The following SUGCT variants were observed in gnomAD, a reference collection of about 807,000 sequenced individuals.
SUGCT encodes the protein succinyl-CoA:glutarate-CoA transferase.
In SUGCT, 41 loss-of-function variants were observed where a neutral mutation model predicts 55.0. That is an observed-to-expected ratio of 0.74 (90% CI 0.58 to 0.97). SUGCT has a LOEUF of 0.97. Among genes scored for constraint, SUGCT ranks in the 50% least tolerant of loss-of-function variants. SUGCT has a pLI of 0.00. For synonymous variants in SUGCT, 187 were observed against 200.4 expected, an observed-to-expected ratio of 0.93 and a Z score of 0.56; for missense variants, 568 against 547.8, an observed-to-expected ratio of 1.04 and a Z score of -0.37.
At chr7:40,215,307 T>A (rs2150805757) in intron 6 of SUGCT, among the ~76,000 whole-genome samples, 1 of 152,194 alleles carries the variant, frequency 6.6e-6, no homozygotes. Context: ...CATGCTCAGA[T>A]AATTTTTGTA....
At chr7:40,357,062 G>A (rs1797916585) in intron 9 of SUGCT, among the ~76,000 whole-genome samples, 1 of 152,096 alleles carries the variant, frequency 6.6e-6, no homozygotes, top group Non-Finnish European at 1.5e-5. Context: ...CTCATCACTG[G>A]TAAATGGTTT....
chr7:40,393,200 A>T (rs1785536709), intron 9 of SUGCT, among the ~76,000 whole-genome samples: 1 of 152,184 alleles, frequency 6.6e-6, no homozygotes, highest in African/African-American at 2.4e-5. Flanking sequence ...ATCTAGGTTC[A>T]TTGAAGAATG....
the SUGCT span, among the ~76,000 whole-genome samples, chr7:40,969,463 G>T: frequency 1.3e-5 from 2 of 152,036 alleles, no homozygotes; most frequent in African/African-American, 4.8e-5. Context: ...CAGACTCAAG[G>T]GATCCTCTTG....
At chr7:40,791,358 T>G (rs940581258) in intron 13 of SUGCT, among the ~76,000 whole-genome samples, 55 of 152,290 alleles carry the variant, frequency 3.6e-4, no homozygotes, top group African/African-American at 1.3e-3. Context: ...AGCAACAAAA[T>G]AATTTAAAAT....
intron 12 of SUGCT, among the ~76,000 whole-genome samples, chr7:40,643,538 C>T (rs1406966579): frequency 6.6e-6 from 1 of 152,178 alleles, no homozygotes; most frequent in Non-Finnish European, 1.5e-5. Flanking sequence ...TCAACAAGAA[C>T]ACCTCTGTCT....
chr7:41,032,424 G>A, the SUGCT span, among the ~76,000 whole-genome samples: 1 of 151,826 alleles, frequency 6.6e-6, no homozygotes, highest in African/African-American at 2.4e-5. Flanking sequence ...TTCAGAGAAA[G>A]TTTCATTTTC....
chr7:40,615,185 T>G (rs1798942308), intron 12 of SUGCT, among the ~76,000 whole-genome samples: 1 of 152,138 alleles, frequency 6.6e-6, no homozygotes, highest in African/African-American at 2.4e-5. Flanking sequence ...ACATACAGAT[T>G]CCATCTATAG....
chr7:40,237,567 C>T (rs2150876883), intron 6 of SUGCT, 68 bp from the exon 7 acceptor site: 2 of 1,148,494 alleles, frequency 1.7e-6, no homozygotes, highest in East Asian at 4.7e-5. Context: ...GTTTCTAACA[C>T]ACTATATTGT....
chr7:40,796,296 AAAGG>A (rs1790550454), intron 13 of SUGCT, among the ~76,000 whole-genome samples: 1 of 152,192 alleles, frequency 6.6e-6, no homozygotes, highest in Non-Finnish European at 1.5e-5. Context: ...GATTATATGC[AAAGG>A]TATTCAAAAG....
intron 8 of SUGCT, among the ~76,000 whole-genome samples, chr7:40,299,789 TG>T (rs1420920901): frequency 3.3e-5 from 5 of 152,218 alleles, no homozygotes; most frequent in African/African-American, 1.2e-4. Context: ...GTCTAATCAA[TG>T]GCTTCACTGG....
chr7:40,170,802 C>T (rs748608800), intron 1 of SUGCT, among the ~76,000 whole-genome samples: 61 of 152,064 alleles, frequency 4.0e-4, no homozygotes, highest in Non-Finnish European at 1.6e-4. Flanking sequence ...CATAACCACC[C>T]ATGGACCTCT....
intron 1 of SUGCT, among the ~76,000 whole-genome samples, chr7:40,142,698 A>G (rs188480840): frequency 2.6e-5 from 4 of 152,334 alleles, no homozygotes; most frequent in Non-Finnish European, 5.9e-5. Context: ...CAGACCTTGC[A>G]ATGCCTTTGT....
intron 13 of SUGCT, among the ~76,000 whole-genome samples, chr7:40,831,275 C>T (rs931524046): frequency 4.6e-5 from 7 of 152,258 alleles, no homozygotes; most frequent in African/African-American, 1.7e-4. Context: ...CCCTCTCCTG[C>T]CCCCCTCCCT....
intron 13 of SUGCT, among the ~76,000 whole-genome samples, chr7:40,802,531 G>A (rs1584463431): frequency 6.6e-6 from 1 of 152,082 alleles, no homozygotes; most frequent in African/African-American, 2.4e-5. Flanking sequence ...TTTCCACTTC[G>A]TCATCTTTAA....
intron 9 of SUGCT, among the ~76,000 whole-genome samples, chr7:40,420,350 G>A (rs182330865): frequency 2.0e-5 from 3 of 151,890 alleles, no homozygotes; most frequent in African/African-American, 7.2e-5. Context: ...TTTTGTTTTT[G>A]TTTTTTGAGA....
chr7:40,455,470 T>G (rs911161563), intron 10 of SUGCT, among the ~76,000 whole-genome samples: 1 of 152,182 alleles, frequency 6.6e-6, no homozygotes, highest in Non-Finnish European at 1.5e-5. Flanking sequence ...AATGATACTG[T>G]TAAGTTAAAG....
chr7:41,013,681 T>C, the SUGCT span, among the ~76,000 whole-genome samples: 23 of 152,256 alleles, frequency 1.5e-4, no homozygotes, highest in African/African-American at 5.5e-4. Flanking sequence ...GGGCAAATAT[T>C]GTGACACATT....
At position 40,176,226 on chromosome 7, in the gene SUGCT, GAA is replaced by G. The variant is rs60639549; in HGVS notation, c.101-4708_101-4707del. Among the ~76,000 whole-genome samples the G allele has an allele frequency of 5.2e-4, 71 of 137,674 alleles. 1 individual carries two copies. In the South Asian group the frequency reaches 0.013, roughly 26 times the overall value. The allele number at this position is 137,674 out of a possible 152,430, so 90.3% of individuals were successfully genotyped here. On this transcript the variant is annotated intron_variant, in intron 1 of 13. Transcript: ENST00000335693. Reference sequence around the variant, plus strand: ...GACAGAGCAAGACTCCATCTCAAAAGAAAAAAAAAAAAAATTTAGTGAGTAGT... The same window carrying G: ...GACAGAGCAAGACTCCATCTCAAAAGAAAAAAAAAAAATTTAGTGAGTAGT...
chr7:40,396,526 C>T (rs1222261367), intron 9 of SUGCT, among the ~76,000 whole-genome samples: 1 of 152,176 alleles, frequency 6.6e-6, no homozygotes, highest in Non-Finnish European at 1.5e-5. Context: ...AAAACAATTT[C>T]CTTCTAGCTT....
Sources: gnomAD v4.1 joint callset for allele counts (sites outside exome capture counted in the v4.1 genomes callset) on GRCh38, gnomAD v4.1.1 for gene constraint, MANE v1.5 for transcripts, NCBI Gene and HGNC (gene_info 2026-07-23, HGNC 2026-07-21) for gene names.